The following CDH4 variants were observed in gnomAD, a reference collection of about 807,000 sequenced individuals.
The protein encoded by CDH4 is cadherin-4.
In CDH4, 33 loss-of-function variants were observed where a neutral mutation model predicts 86.0. The observed-to-expected ratio is 0.38, with a 90% CI of 0.29 to 0.51. CDH4 has a LOEUF of 0.51. CDH4 is among the 20% of genes least tolerant of loss of function. The probability of loss-of-function intolerance (pLI) is 0.86; values close to 1 mark genes in which losing one functional copy is unlikely to be tolerated. For missense variants in CDH4, 1,114 were observed against 1,307.4 expected (o/e 0.85, Z 2.28); for synonymous variants, 555 against 549.4 (o/e 1.01, Z -0.14).
chr20:61,526,082 A>G (rs893527738), intron 2 of CDH4, among the ~76,000 whole-genome samples: 2 of 152,162 alleles, frequency 1.3e-5, no homozygotes, highest in African/African-American at 4.8e-5. Context: ...AGTAATGACA[A>G]CGTGGCTAGT....
chr20:61,597,958 C>G (rs991907551), intron 2 of CDH4, among the ~76,000 whole-genome samples: 6 of 152,214 alleles, frequency 3.9e-5, no homozygotes, highest in Non-Finnish European at 8.8e-5. Context: ...CAAGTTTTTG[C>G]TTTAAACACT....
intron 2 of CDH4, among the ~76,000 whole-genome samples, chr20:61,454,339 G>T (rs1344682459): frequency 6.6e-6 from 1 of 152,206 alleles, no homozygotes; most frequent in African/African-American, 2.4e-5. Flanking sequence ...ACATGCACCT[G>T]GGGGGAAGGT....
At chr20:61,318,536 A>G (rs1412631187) in intron 2 of CDH4, among the ~76,000 whole-genome samples, 1 of 152,162 alleles carries the variant, frequency 6.6e-6, no homozygotes, top group Non-Finnish European at 1.5e-5. Context: ...TAGATCATGA[A>G]TCGGGTAGGG....
At chr20:61,260,017 A>G (rs1389548528) in intron 2 of CDH4, among the ~76,000 whole-genome samples, 3 of 152,236 alleles carry the variant, frequency 2.0e-5, no homozygotes, top group African/African-American at 7.2e-5. Flanking sequence ...AAACAATGGC[A>G]GAGCCCTGGA....
At chr20:61,896,893 C>G (rs533065082) in intron 8 of CDH4, among the ~76,000 whole-genome samples, 34 of 152,206 alleles carry the variant, frequency 2.2e-4, no homozygotes, top group African/African-American at 7.9e-4. Context: ...TCCCTGACTC[C>G]GAGAAAGAAA....
At chr20:61,604,904 G>T (rs759406611) in intron 2 of CDH4, among the ~76,000 whole-genome samples, 10 of 97,934 alleles carry the variant, frequency 1.0e-4, no homozygotes, top group Admixed American at 2.4e-4. Flanking sequence ...GAAGAGAGAG[G>T]CCTGGCCTGG....
At chr20:61,413,155 C>T (rs1010002042) in intron 2 of CDH4, among the ~76,000 whole-genome samples, 33 of 152,002 alleles carry the variant, frequency 2.2e-4, no homozygotes, top group Non-Finnish European at 4.0e-4. Context: ...AGCCTCAGAT[C>T]TGGAAGCTCC....
At chr20:61,266,192 G>T (rs1431320216) in intron 2 of CDH4, among the ~76,000 whole-genome samples, 1 of 152,120 alleles carries the variant, frequency 6.6e-6, no homozygotes, top group African/African-American at 2.4e-5. Context: ...AGGAAAGATG[G>T]CCCTGGTACA....
rs549699582 is a variant in CDH4 at position 61,478,960 on chromosome 20, A to AT, written c.169+224037dup. Among the ~76,000 whole-genome samples the AT allele has an allele frequency of 3.3e-3, 475 of 144,544 alleles. 1 individual carries two copies. The highest frequency in any genetic ancestry group is 4.7e-3 in the African/African-American group (185 of 39,648). The allele number at this position is 144,544 out of a possible 152,430, so 94.8% of individuals were successfully genotyped here. ...GAAACTTTCTTTTGCCATTTTTGAA[A>AT]TTTTTTTTTTTTTTGGCTGGATCTT... On this transcript the variant is annotated intron_variant, in intron 2 of 15. Transcript: ENST00000614565.
intron 7 of CDH4, among the ~76,000 whole-genome samples, chr20:61,874,861 C>T (rs1421991508): frequency 6.6e-6 from 1 of 152,362 alleles, no homozygotes; most frequent in East Asian, 1.9e-4. Context: ...ACAGCCAGTG[C>T]AGCCCTGCCC....
intron 4 of CDH4, among the ~76,000 whole-genome samples, chr20:61,789,819 A>G (rs1251911861): frequency 2.0e-5 from 3 of 152,326 alleles, no homozygotes; most frequent in African/African-American, 4.8e-5. Context: ...TATGCGATCA[A>G]TTGGGGACAG....
chr20:61,594,603 G>A (rs1195995888), intron 2 of CDH4, among the ~76,000 whole-genome samples: 2 of 152,198 alleles, frequency 1.3e-5, no homozygotes. Context: ...GACACCTGCT[G>A]CCGCCTTTTT....
chr20:61,512,499 G>A (rs1338965549), intron 2 of CDH4, among the ~76,000 whole-genome samples: 3 of 152,126 alleles, frequency 2.0e-5, no homozygotes, highest in South Asian at 2.1e-4. Flanking sequence ...AACATCTGTC[G>A]CCAAAGCCCC....
intron 2 of CDH4, among the ~76,000 whole-genome samples, chr20:61,285,076 T>TG (rs1486159612): frequency 1.8e-4 from 20 of 108,880 alleles, no homozygotes; most frequent in African/African-American, 6.1e-4. Context: ...TTTCCTGTTT[T>TG]TTTTTTTTGT....
At chr20:61,295,829 G>A (rs527305914) in intron 2 of CDH4, among the ~76,000 whole-genome samples, 8 of 152,328 alleles carry the variant, frequency 5.3e-5, no homozygotes, top group South Asian at 2.1e-4. Context: ...TCCCCAGGGC[G>A]GCCAGCAGGG....
In CDH4 at chr20:61,561,765, C is replaced by T. The variant is rs950762538; in HGVS notation, c.170-181798C>T. Among the ~76,000 whole-genome samples the T allele has an allele frequency of 4.6e-5, 7 of 152,366 alleles. No homozygotes were observed. In the East Asian group the frequency reaches 1.3e-3, roughly 29 times the overall value. ...AAATGAGCATGTTTACTATCTCGCC[C>T]TTTACAGAAAACATTTCTGACCCCT... On this transcript the variant is annotated intron_variant, in intron 2 of 15. Transcript: ENST00000614565.
At chr20:61,929,879 T>C (rs1465899973) in intron 13 of CDH4, 37 bp downstream of exon 13, 4 of 1,554,256 alleles carry the variant, frequency 2.6e-6, no homozygotes, top group Non-Finnish European at 3.5e-6. Context: ...GCAGGGGCAT[T>C]GTGGGTATGA....
At chr20:61,428,318 A>G (rs1892314) in intron 2 of CDH4, among the ~76,000 whole-genome samples, 60,541 of 152,010 alleles carry the variant, frequency 0.4, 12,745 homozygotes, top group East Asian at 0.53. Context: ...GAATATATGC[A>G]TATCCTATGC....
intron 2 of CDH4, among the ~76,000 whole-genome samples, chr20:61,432,767 A>G (rs982643879): frequency 1.3e-5 from 2 of 151,830 alleles, no homozygotes; most frequent in East Asian, 1.9e-4. Context: ...TCCTACCTCA[A>G]AGTCACCTCA....
Sources: gnomAD v4.1 joint callset for allele counts (sites outside exome capture counted in the v4.1 genomes callset) on GRCh38, gnomAD v4.1.1 for gene constraint, MANE v1.5 for transcripts, NCBI Gene and HGNC (gene_info 2026-07-23, HGNC 2026-07-21) for gene names.